The following KLHL35 variants were observed in gnomAD, a reference collection of about 807,000 sequenced individuals.
KLHL35 encodes the protein kelch-like protein 35.
In KLHL35, 50 loss-of-function variants were observed where a neutral mutation model predicts 44.0. The observed-to-expected ratio is 1.14, with a 90% CI of 0.91 to 1.44. The LOEUF is 1.44. Ranked by LOEUF, KLHL35 falls within the 40% of genes most tolerant of loss-of-function variation. KLHL35 has a pLI of 0.00. For synonymous variants in KLHL35, 470 were observed against 410.4 expected (o/e 1.15, Z -1.76); for missense variants, 1,049 against 887.8 (o/e 1.18, Z -2.31).
At position 75,430,319 on chromosome 11, in the gene KLHL35, G is replaced by A; in HGVS notation, c.311C>T (p.Ala104Val). 7.9e-7 allele frequency: 1 copy of A among 1,260,500 alleles called. No individual in the cohort carries two copies. Among genetic ancestry groups the A allele is most frequent in the Non-Finnish European group, 1.0e-6 (1 of 1,002,994 alleles). The allele number at this position is 1,260,500 out of a possible 1,614,324, so 78.1% of individuals were successfully genotyped here. The change falls in exon 2 of 7, where the codon GCC (alanine) becomes GTC (valine). Residue 104 changes from alanine (A) to valine (V), a missense_variant. By Grantham distance (64) the Ala-to-Val change is moderately conservative. Transcript: ENST00000539798. Reference sequence around the variant, plus strand: ...TCCGTACACGTAGTCGAGCACCACGGCCAGCGCCGCCGCCGCCCCGGCCGG... The same window carrying A: ...TCCGTACACGTAGTCGAGCACCACGACCAGCGCCGCCGCCGCCCCGGCCGG... Reference protein sequence around the residue: ...TSPAGAAAALAVVLDYVYGAG... With the variant: ...TSPAGAAAALVVVLDYVYGAG...
chr11:75,423,044 A>G (rs1450430676), intron 6 of KLHL35: 1 of 468,440 alleles, frequency 2.1e-6, no homozygotes, highest in Non-Finnish European at 3.8e-6. Context: ...GGTTCCCTTA[A>G]CAGTTAATGG....
rs990918488 is a variant in KLHL35 at position 75,425,555 on chromosome 11, G to A, written c.1212C>T (p.Gly404=). 22 of 1,488,450 alleles carry A rather than the reference G, an allele frequency of 1.5e-5. No homozygotes were observed. The highest frequency in any genetic ancestry group is 1.8e-5 in the Non-Finnish European group (20 of 1,126,346). 92.2% of individuals were successfully genotyped at this position (1,488,450 alleles called of 1,614,324 possible). The change falls in exon 5 of 7, where the codon GGC becomes GGT. Residue 404 remains glycine (G), a synonymous_variant. Transcript: ENST00000539798. ...GCTCCACGCTGTGCAGGCGCCTCAG[G>A]CCGTCGAAGCCACCCACCGCGAACA... ...GQLFAVGGFD[G]LRRLHSVERY...
At chr11:75,426,336 T>C in intron 4 of KLHL35, 184 bp downstream of exon 4, 1 of 511,318 alleles carries the variant, frequency 2.0e-6, no homozygotes, top group South Asian at 2.6e-5. Flanking sequence ...CATCAGGCTG[T>C]TACTATTACA....
At chr11:75,428,713 T>C in intron 2 of KLHL35, 87 bp from the exon 3 acceptor site, 1 of 1,177,136 alleles carries the variant, frequency 8.5e-7, no homozygotes, top group Non-Finnish European at 1.2e-6. Flanking sequence ...ACGGTCCCGC[T>C]GCCCTTTCAT....
In KLHL35 at chr11:75,428,501, G is replaced by A. The variant is rs781033865; in HGVS notation, c.1007C>T (p.Pro336Leu). Residue 336 changes from proline to leucine, a missense_variant, in exon 3 of 7, where the codon CCC becomes CTC. Transcript: ENST00000539798. ...SQRWTPLPSL[P>L]GYTRSEFAAC... ...GGCGAATTCTGAGCGAGTGTAGCCG[G>A]GCAGGCTGGGCAGTGGGGTCCACCG... The A allele has an allele frequency of 1.2e-5, 20 of 1,612,442 alleles. No individual in the cohort carries two copies. The South Asian group carries it at 2.2e-4, about 18-fold the overall frequency.
intron 6 of KLHL35, 124 bp downstream of exon 6, chr11:75,423,568 T>G: frequency 1.3e-6 from 1 of 795,274 alleles, no homozygotes; most frequent in Non-Finnish European, 2.1e-6. Context: ...ACTATCACTG[T>G]GAGGATGAGC....
chr11:75,429,040 C>T (rs1382254557), intron 2 of KLHL35, among the ~76,000 whole-genome samples: 5 of 152,218 alleles, frequency 3.3e-5, no homozygotes, highest in Non-Finnish European at 7.3e-5. Context: ...CCAGGTTTGT[C>T]TGTCGCTAAC....
intron 1 of KLHL35, 123 bp from the exon 2 acceptor site, chr11:75,430,753 A>T: frequency 1.2e-6 from 1 of 867,558 alleles, no homozygotes; most frequent in African/African-American, 1.8e-5. Flanking sequence ...CCCTCCGTTC[A>T]GCATCCAGGT....
chr11:75,422,404 C>CATCT lies in KLHL35; in HGVS notation c.*172_*175dup. ...CACAGGGAGCAAATATTAGACATTC[C>CATCT]ATCTCCAGGCAGGGCAGACTGCAGC... On this transcript the variant is annotated 3_prime_UTR_variant, in exon 7 of 7. Transcript: ENST00000539798. The CATCT allele has an allele frequency of 1.6e-6, 1 of 606,844 alleles. No homozygotes were observed. The highest frequency in any genetic ancestry group is 2.9e-6 in the Non-Finnish European group (1 of 348,036). 37.6% of individuals were successfully genotyped at this position (606,844 alleles called of 1,614,324 possible).
intron 1 of KLHL35, among the ~76,000 whole-genome samples, chr11:75,431,810 C>T (rs1003755283): frequency 6.6e-6 from 1 of 152,192 alleles, no homozygotes; most frequent in Non-Finnish European, 1.5e-5. Context: ...AGTGCTAGTA[C>T]ACAGTACGAG....
At chr11:75,428,351 T>A (rs963431587) in intron 3 of KLHL35, 91 bp downstream of exon 3, 12 of 1,441,188 alleles carry the variant, frequency 8.3e-6, no homozygotes, top group Non-Finnish European at 1.0e-5. Flanking sequence ...ATCCCGCCCC[T>A]CTCTCCCGAT....
At chr11:75,425,612 G>C (rs2135079927) in intron 4 of KLHL35, 31 bp from the exon 5 acceptor site, 2 of 1,442,602 alleles carry the variant, frequency 1.4e-6, no homozygotes, top group Non-Finnish European at 1.8e-6. Context: ...CGGGGAGCCG[G>C]GTGCCAGGGC....
In KLHL35 at chr11:75,423,808, C is replaced by G. The variant is rs182383726; in HGVS notation, c.1447G>C (p.Glu483Gln). 1.2e-4 allele frequency: 201 copies of G among 1,613,714 alleles called. No homozygotes were observed. The African/African-American group carries it at 2.3e-3, about 19-fold the overall frequency. The change falls in exon 6 of 7, where the codon GAG becomes CAG. Residue 483 changes from glutamate to glutamine, a missense_variant. Physicochemically the swap from Glu to Gln is conservative, Grantham distance 29. Transcript: ENST00000539798. Reference protein sequence around the residue: ...SPAPFSQRCLEAVSLEDTIYV... With the variant: ...SPAPFSQRCLQAVSLEDTIYV... The stretch of plus-strand genomic sequence containing the variant: ...ATGGTGTCCTCAAGGGAGACAGCCT[C>G]GAGACACCGCTGTGAGAAGGGTGCT...
At chr11:75,425,319 G>T in intron 5 of KLHL35, 74 bp downstream of exon 5, 2 of 1,420,220 alleles carry the variant, frequency 1.4e-6, no homozygotes, top group Non-Finnish European at 1.9e-6. Flanking sequence ...GCATGGAAAC[G>T]CCCAATTCTG....
At chr11:75,425,934 A>T (rs1434890987) in intron 4 of KLHL35, 3 of 245,846 alleles carry the variant, frequency 1.2e-5, no homozygotes, top group Non-Finnish European at 2.3e-5. Flanking sequence ...TGAATTCGGG[A>T]TGTAGCTTAC....
At position 75,433,084 on chromosome 11, in the gene KLHL35, C is replaced by CA. The variant is rs2135088099; in HGVS notation, c.-44dup. 6.6e-6 allele frequency among the ~76,000 whole-genome samples: 1 copy of CA among 152,322 alleles called. No homozygotes were observed. Among genetic ancestry groups the CA allele is most frequent in the African/African-American group, 2.4e-5 (1 of 41,570 alleles). ...CCAAGTGCTCCGCAGCTGCTGCTCTCACAGGTATCACTCCCGTTTGTGCCT... is the reference window on the plus strand; with the variant it reads ...CCAAGTGCTCCGCAGCTGCTGCTCTCAACAGGTATCACTCCCGTTTGTGCCT... On this transcript the variant is annotated 5_prime_UTR_variant, in exon 1 of 7. Coordinates refer to ENST00000539798, the MANE Select transcript of KLHL35 (RefSeq NM_001039548.3).
rs764284614 is a variant in KLHL35, at chr11:75,423,919, C to T, written c.1375-39G>A. On this transcript the variant is annotated intron_variant, in intron 5 of 6. Coordinates refer to ENST00000539798, the MANE Select transcript of KLHL35 (RefSeq NM_001039548.3). ...GCAGCAGTGGTGAAGACTCACCGCC[C>T]CCCCCAACAAATGCCCCACCGCCCA... is the stretch of plus-strand genomic sequence containing the variant. 8.8e-6 allele frequency: 13 copies of T among 1,480,778 alleles called. No individual in the cohort carries two copies. In the African/African-American group the frequency reaches 9.8e-5, roughly 11 times the overall value. 91.7% of individuals were successfully genotyped at this position (1,480,778 alleles called of 1,614,324 possible).
intron 3 of KLHL35, among the ~76,000 whole-genome samples, chr11:75,427,519 T>A (rs1948501797): frequency 6.6e-6 from 1 of 152,246 alleles, no homozygotes; most frequent in East Asian, 1.9e-4. Flanking sequence ...CTCAGAGCCA[T>A]CAATGGCCTT....
intron 5 of KLHL35, 183 bp from the exon 6 acceptor site, chr11:75,424,063 T>C (rs1419679579): frequency 1.0e-5 from 6 of 591,042 alleles, no homozygotes; most frequent in Non-Finnish European, 1.8e-5. Context: ...CCTCAAGGGC[T>C]CTTCATCTAG....
Sources: allele counts gnomAD v4.1 joint callset (sites outside exome capture counted in the v4.1 genomes callset), GRCh38; gene constraint gnomAD v4.1.1; transcripts MANE v1.5; gene names NCBI Gene and HGNC (gene_info 2026-07-23, HGNC 2026-07-21).